KCTD16: variants seen among roughly 807,000 people sequenced by gnomAD.
The protein encoded by KCTD16 is potassium channel tetramerization domain containing 16.
In KCTD16, 13 loss-of-function variants were observed where a neutral mutation model predicts 33.2. The observed-to-expected ratio is 0.39, with a 90% confidence interval of 0.25 to 0.62. The LOEUF (loss-of-function observed/expected upper bound fraction) is 0.62, where lower values mean the gene tolerates loss of function less well. Among genes scored for constraint, KCTD16 ranks in the 20% least tolerant of loss-of-function variants. The pLI is 0.50. For missense variants in KCTD16, 441 were observed against 525.1 expected, an observed-to-expected ratio of 0.84 and a Z score of 1.57; for synonymous variants, 197 against 195.3, an observed-to-expected ratio of 1.01 and a Z score of -0.07.
In KCTD16 at chr5:144,473,681, C is replaced by T; in HGVS notation, c.854C>T (p.Pro285Leu). 17 of 1,605,570 alleles carry T rather than the reference C, an allele frequency of 1.1e-5. No individual in the cohort carries two copies. Among genetic ancestry groups the T allele is most frequent in the Non-Finnish European group, 1.4e-5 (17 of 1,173,618 alleles). ...TCAGGTGAGCCTTCCAGATGGTCAC[C>T]CTCACACTGCGATTGCTGCTGCAAG... is the stretch of plus-strand genomic sequence containing the variant. ...VFYREPSRWSPSHCDCCCKNG... is the reference protein window; with the variant it reads ...VFYREPSRWSLSHCDCCCKNG... Residue 285 changes from proline to leucine, a missense_variant, in exon 4 of 4, where the codon CCC (proline) becomes CTC (leucine). Physicochemically the swap from Pro to Leu is moderately conservative, Grantham distance 98. Coordinates refer to ENST00000512467, the MANE Select transcript of KCTD16 (RefSeq NM_020768.4).
chr5:144,284,754 C>A (rs1166420604), intron 3 of KCTD16, among the ~76,000 whole-genome samples: 2 of 151,884 alleles, frequency 1.3e-5, no homozygotes, highest in Non-Finnish European at 1.5e-5. Context: ...ATCTTTATAG[C>A]TAAGGAAAAA....
At chr5:144,270,958 T>A (rs1755276433) in intron 3 of KCTD16, among the ~76,000 whole-genome samples, 1 of 152,048 alleles carries the variant, frequency 6.6e-6, no homozygotes, top group Middle Eastern at 3.4e-3. Flanking sequence ...AAACTTACCA[T>A]GACTAAATCA....
At chr5:144,215,313 A>G (rs1561532076) in intron 3 of KCTD16, among the ~76,000 whole-genome samples, 1 of 152,362 alleles carries the variant, frequency 6.6e-6, no homozygotes, top group East Asian at 1.9e-4. Context: ...CCCAGGATTC[A>G]GAAAAGTGCT....
At chr5:144,319,704 C>T (rs1029933680) in intron 3 of KCTD16, among the ~76,000 whole-genome samples, 1 of 152,100 alleles carries the variant, frequency 6.6e-6, no homozygotes, top group Non-Finnish European at 1.5e-5. Context: ...TTATCATATA[C>T]CGACCCAAAC....
intron 3 of KCTD16, among the ~76,000 whole-genome samples, chr5:144,417,812 A>G (rs1029702236): frequency 6.6e-6 from 1 of 152,030 alleles, no homozygotes; most frequent in Non-Finnish European, 1.5e-5. Flanking sequence ...TCTTCTGCAT[A>G]TGGATATGCA....
At chr5:144,467,809 G>A (rs1278242315) in intron 3 of KCTD16, among the ~76,000 whole-genome samples, 1 of 152,126 alleles carries the variant, frequency 6.6e-6, no homozygotes, top group East Asian at 1.9e-4. Flanking sequence ...CGCAGGGAGT[G>A]TCCTGGTTAT....
At chr5:144,299,746 T>C (rs1246530319) in intron 3 of KCTD16, among the ~76,000 whole-genome samples, 1 of 152,062 alleles carries the variant, frequency 6.6e-6, no homozygotes, top group African/African-American at 2.4e-5. Context: ...TTATTTGGCC[T>C]CCTTAATATG....
At chr5:144,345,338 A>G (rs542629170) in intron 3 of KCTD16, among the ~76,000 whole-genome samples, 1 of 152,092 alleles carries the variant, frequency 6.6e-6, no homozygotes, top group African/African-American at 2.4e-5. Context: ...CATGTACCCT[A>G]AAACTTAAAG....
intron 3 of KCTD16, among the ~76,000 whole-genome samples, chr5:144,389,163 A>C (rs193150639): frequency 6.6e-6 from 1 of 152,316 alleles, no homozygotes; most frequent in Admixed American, 6.5e-5. Context: ...GCAAGTCATT[A>C]GAAATAAATT....
chr5:144,231,124 C>T (rs1233103148), intron 3 of KCTD16, among the ~76,000 whole-genome samples: 1 of 151,492 alleles, frequency 6.6e-6, no homozygotes, highest in Non-Finnish European at 1.5e-5. Context: ...TAGTTTCTTC[C>T]TTCTATTTTC....
At chr5:144,204,290 C>T (rs1432927295) in intron 2 of KCTD16, among the ~76,000 whole-genome samples, 1 of 152,180 alleles carries the variant, frequency 6.6e-6, no homozygotes, top group East Asian at 1.9e-4. Context: ...GTGTGCCTCA[C>T]ATATATTATT....
chr5:144,256,380 T>C (rs1475468356), intron 3 of KCTD16, among the ~76,000 whole-genome samples: 1 of 152,188 alleles, frequency 6.6e-6, no homozygotes, highest in East Asian at 1.9e-4. Context: ...GTTTGCTTCT[T>C]TTTTTCCCAT....
chr5:144,420,512 A>ATGTGTG lies in KCTD16; in HGVS notation c.833-53131_833-53126dup, dbSNP rs145586447. Among the ~76,000 whole-genome samples the ATGTGTG allele has an allele frequency of 5.3e-3, 788 of 149,828 alleles. 5 individuals carry two copies. The highest frequency in any genetic ancestry group is 0.018 in the African/African-American group (756 of 40,992). ...TATGGGTCCAAAGTGACTTATTTAA[A>ATGTGTG]TGTGTGTGTGTGTGTGTGTGTGCAC... On this transcript the variant is annotated intron_variant, in intron 3 of 3. Transcript: ENST00000512467.
chr5:144,299,128 ATATATATATATATATATATATTTTTTTT>A (rs1561558679), intron 3 of KCTD16, among the ~76,000 whole-genome samples: 1 of 27,414 alleles, frequency 3.6e-5, no homozygotes, highest in African/African-American at 2.3e-4. Flanking sequence ...ATATATATAT[ATATATATATATATATATATATTTTTTTT>A]TTTTTTTTTA....
At chr5:144,198,660 A>T (rs934289611) in intron 2 of KCTD16, among the ~76,000 whole-genome samples, 2 of 152,178 alleles carry the variant, frequency 1.3e-5, no homozygotes, top group Non-Finnish European at 2.9e-5. Context: ...AAATGATGTG[A>T]TCTGTTTTGA....
intron 3 of KCTD16, among the ~76,000 whole-genome samples, chr5:144,303,516 C>A (rs1306309277): frequency 6.6e-6 from 1 of 152,200 alleles, no homozygotes; most frequent in Non-Finnish European, 1.5e-5. Flanking sequence ...ACCAAAGGTT[C>A]AGTCTCTTGT....
intron 3 of KCTD16, among the ~76,000 whole-genome samples, chr5:144,305,325 G>T (rs934930353): frequency 1.2e-4 from 18 of 152,118 alleles, no homozygotes; most frequent in Admixed American, 1.1e-3. Context: ...AAACCCATAT[G>T]GTGAAGCCCT....
At chr5:144,426,434 C>A (rs919249976) in intron 3 of KCTD16, among the ~76,000 whole-genome samples, 1 of 152,032 alleles carries the variant, frequency 6.6e-6, no homozygotes, top group Non-Finnish European at 1.5e-5. Flanking sequence ...GCTTCATTTG[C>A]AAAAAATACA....
At chr5:144,410,555 T>A (rs555630644) in intron 3 of KCTD16, among the ~76,000 whole-genome samples, 2 of 152,276 alleles carry the variant, frequency 1.3e-5, no homozygotes, top group Non-Finnish European at 2.9e-5. Context: ...CAAGTTCCAA[T>A]AACAATCTTA....
Sources: gnomAD v4.1 joint callset for allele counts (sites outside exome capture counted in the v4.1 genomes callset) on GRCh38, gnomAD v4.1.1 for gene constraint, MANE v1.5 for transcripts, NCBI Gene and HGNC (gene_info 2026-07-23, HGNC 2026-07-21) for gene names.